The following ITFG1 variants were observed in gnomAD, a reference collection of about 807,000 sequenced individuals.
ITFG1 encodes integrin alpha FG-GAP repeat containing 1, also known as T-cell immunomodulatory protein.
ITFG1 carries 34 observed loss-of-function variants against 81.8 expected under a neutral mutation model. That is an observed-to-expected ratio of 0.42 (90% CI 0.32 to 0.55). The LOEUF (loss-of-function observed/expected upper bound fraction) is 0.55. ITFG1 is among the 20% of genes least tolerant of loss of function. The pLI, the probability that ITFG1 is intolerant of heterozygous loss-of-function variation, is 0.17. For synonymous variants in ITFG1, 285 were observed against 270.6 expected (o/e 1.05, Z -0.52); for missense variants, 672 against 755.4 (o/e 0.89, Z 1.29).
At chr16:47,295,693 C>T (rs1180762752) in intron 10 of ITFG1, among the ~76,000 whole-genome samples, 1 of 152,042 alleles carries the variant, frequency 6.6e-6, no homozygotes, top group African/African-American at 2.4e-5. Flanking sequence ...TCTGAATCTT[C>T]TGTTTCTTGG....
At chr16:47,309,502 T>C (rs1376230705) in intron 10 of ITFG1, among the ~76,000 whole-genome samples, 2 of 152,186 alleles carry the variant, frequency 1.3e-5, no homozygotes, top group Admixed American at 1.3e-4. Context: ...ATTTGTCAAA[T>C]TTTCCTACAG....
chr16:47,162,320 G>A (rs1161816436), intron 15 of ITFG1, among the ~76,000 whole-genome samples: 2 of 152,010 alleles, frequency 1.3e-5, no homozygotes, highest in Admixed American at 6.6e-5. Context: ...TTATGGGAGA[G>A]GAGAGGGAAA....
chr16:47,332,822 G>C (rs1967653251), intron 8 of ITFG1, among the ~76,000 whole-genome samples: 1 of 152,216 alleles, frequency 6.6e-6, no homozygotes, highest in African/African-American at 2.4e-5. Context: ...GCATAAGTCA[G>C]TGAACAACAT....
chr16:47,281,027 C>T (rs376450055), intron 10 of ITFG1, among the ~76,000 whole-genome samples: 18 of 152,196 alleles, frequency 1.2e-4, no homozygotes, highest in African/African-American at 4.3e-4. Context: ...ATAGCATTTT[C>T]CAGAGTTTGG....
At chr16:47,340,638 A>G (rs1967768666) in intron 8 of ITFG1, among the ~76,000 whole-genome samples, 1 of 152,210 alleles carries the variant, frequency 6.6e-6, no homozygotes, top group African/African-American at 2.4e-5. Context: ...ACATATAGAA[A>G]ACAAACAGGA....
chr16:47,202,674 C>T (rs190413799), intron 14 of ITFG1, among the ~76,000 whole-genome samples: 80 of 151,380 alleles, frequency 5.3e-4, no homozygotes, highest in African/African-American at 1.8e-3. Flanking sequence ...GGGTGCTCAA[C>T]AACAACAAAA....
intron 6 of ITFG1, among the ~76,000 whole-genome samples, chr16:47,414,814 T>C (rs1453852182): frequency 6.6e-6 from 1 of 152,182 alleles, no homozygotes; most frequent in Admixed American, 6.5e-5. Flanking sequence ...TACTTTTAAA[T>C]AATTCAAAAT....
intron 8 of ITFG1, among the ~76,000 whole-genome samples, chr16:47,321,808 G>C (rs1473390558): frequency 1.3e-5 from 2 of 152,060 alleles, no homozygotes; most frequent in South Asian, 2.1e-4. Context: ...TAAAATAATT[G>C]AATAGTATAA....
At chr16:47,294,678 A>G (rs2151556472) in intron 10 of ITFG1, among the ~76,000 whole-genome samples, 1 of 152,290 alleles carries the variant, frequency 6.6e-6, no homozygotes, top group South Asian at 2.1e-4. Context: ...ATTGGTGTAT[A>G]GAAATGCTAC....
chr16:47,339,028 C>T (rs1967747014), intron 8 of ITFG1, among the ~76,000 whole-genome samples: 1 of 152,176 alleles, frequency 6.6e-6, no homozygotes, highest in African/African-American at 2.4e-5. Context: ...ATTTTTAGAT[C>T]CCATAAATAA....
chr16:47,419,601 C>CT (rs34405979), intron 6 of ITFG1, among the ~76,000 whole-genome samples: 1,271 of 81,932 alleles, frequency 0.016, 21 homozygotes, highest in Non-Finnish European at 0.02. Flanking sequence ...TACTTCAGGT[C>CT]TTTTTTTTTT....
At position 47,355,506 on chromosome 16, in the gene ITFG1, T is replaced by G. The variant is rs144466037; in HGVS notation, c.802+10282A>C. 2.5e-3 allele frequency among the ~76,000 whole-genome samples: 383 copies of G among 152,286 alleles called. 1 individual carries two copies. Among genetic ancestry groups the G allele is most frequent in the Middle Eastern group, 6.8e-3 (2 of 294 alleles). ...TAGGTAGCTGTGATGTATTGTGTAT[T>G]TCATAATAGCTAAAAGAGATTATTT... On this transcript the variant is annotated intron_variant, in intron 8 of 17. Coordinates refer to ENST00000320640, the MANE Select transcript of ITFG1 (RefSeq NM_030790.5).
At chr16:47,305,445 G>A (rs1967143073) in intron 10 of ITFG1, among the ~76,000 whole-genome samples, 1 of 152,020 alleles carries the variant, frequency 6.6e-6, no homozygotes, top group Non-Finnish European at 1.5e-5. Context: ...GAGACAAGGA[G>A]GGCAGACCTA....
intron 6 of ITFG1, among the ~76,000 whole-genome samples, chr16:47,391,205 G>C (rs950703326): frequency 3.9e-5 from 6 of 152,108 alleles, no homozygotes; most frequent in African/African-American, 1.4e-4. Flanking sequence ...TGTTGACTTA[G>C]TTATAATTTA....
At position 47,399,926 on chromosome 16, in the gene ITFG1, T is replaced by A. The variant is rs1968639479; in HGVS notation, c.656-23986A>T. Among the ~76,000 whole-genome samples, 3 of 152,230 alleles carry A rather than the reference T, an allele frequency of 2.0e-5. No homozygotes were observed. The South Asian group carries it at 6.2e-4, about 31-fold the overall frequency. On this transcript the variant is annotated intron_variant, in intron 6 of 17. Coordinates refer to ENST00000320640, the MANE Select transcript of ITFG1 (RefSeq NM_030790.5). ...TAACTGGAAGGCTTCTGGATTCTATTTGTTTATAGATCAGAATGGAAGGAA... is the reference window on the plus strand; with the variant it reads ...TAACTGGAAGGCTTCTGGATTCTATATGTTTATAGATCAGAATGGAAGGAA...
intron 8 of ITFG1, among the ~76,000 whole-genome samples, chr16:47,318,017 C>T (rs148376306): frequency 2.0e-5 from 3 of 151,962 alleles, no homozygotes; most frequent in East Asian, 1.9e-4. Flanking sequence ...GAGATTTTAA[C>T]GTAATGGAAA....
intron 14 of ITFG1, among the ~76,000 whole-genome samples, chr16:47,166,150 C>T (rs552791385): frequency 6.6e-6 from 1 of 152,170 alleles, no homozygotes; most frequent in Admixed American, 6.5e-5. Flanking sequence ...CATTTATAAT[C>T]TACTGTCACT....
At chr16:47,247,371 G>A (rs374922532) in intron 12 of ITFG1, among the ~76,000 whole-genome samples, 80 of 152,258 alleles carry the variant, frequency 5.3e-4, no homozygotes, top group African/African-American at 1.8e-3. Flanking sequence ...ACAACAGAGT[G>A]TAAGTTTTAT....
intron 10 of ITFG1, among the ~76,000 whole-genome samples, chr16:47,279,657 C>G (rs539893830): frequency 7.2e-4 from 109 of 152,204 alleles, no homozygotes; most frequent in Non-Finnish European, 9.6e-4. Flanking sequence ...ATCAATTTGT[C>G]TGTATCTACA....
Sources: allele counts gnomAD v4.1 joint callset (sites outside exome capture counted in the v4.1 genomes callset), GRCh38; gene constraint gnomAD v4.1.1; transcripts MANE v1.5; gene names NCBI Gene and HGNC (gene_info 2026-07-23, HGNC 2026-07-21).